The following TMX4 variants were observed in gnomAD, a reference collection of about 807,000 sequenced individuals.
TMX4 encodes the protein thioredoxin-related transmembrane protein 4.
Under a neutral mutation model 33.3 loss-of-function variants are expected in TMX4, and 23 were observed. The ratio of observed to expected loss-of-function variants is 0.69; its 90% confidence interval spans 0.50 to 0.98. TMX4 has a LOEUF of 0.98. Ranked by LOEUF, TMX4 falls within the 50% of genes least tolerant of loss-of-function variation. The pLI is 0.00. For missense variants in TMX4, 399 were observed against 448.9 expected (o/e 0.89, Z 1.01); for synonymous variants, 164 against 161.5 (o/e 1.02, Z -0.12).
At chr20:7,995,896 G>A in intron 5 of TMX4, 130 bp downstream of exon 5, 1 of 759,134 alleles carries the variant, frequency 1.3e-6, no homozygotes, top group African/African-American at 1.8e-5. Flanking sequence ...CATGAGAGTA[G>A]TTGCATGGCT....
At chr20:7,985,277 A>ATTTT (rs1214396295) in intron 6 of TMX4, among the ~76,000 whole-genome samples, 24 of 110,532 alleles carry the variant, frequency 2.2e-4, no homozygotes, top group Admixed American at 4.8e-4. Context: ...ATATATATAT[A>ATTTT]TTTTTTTTTT....
intron 6 of TMX4, among the ~76,000 whole-genome samples, chr20:7,985,877 C>A: frequency 6.6e-6 from 1 of 152,094 alleles, no homozygotes; most frequent in Non-Finnish European, 1.5e-5. Flanking sequence ...GGCAGGCAGG[C>A]CTGACTCAAT....
intron 5 of TMX4, among the ~76,000 whole-genome samples, chr20:7,991,834 G>GAAA (rs11087787): frequency 6.2e-5 from 9 of 146,082 alleles, no homozygotes; most frequent in East Asian, 2.0e-4. Flanking sequence ...TCTATGGCTG[G>GAAA]AAAAAAAAAA....
chr20:8,016,762 A>C (rs2050777209), intron 1 of TMX4, among the ~76,000 whole-genome samples: 1 of 152,126 alleles, frequency 6.6e-6, no homozygotes, highest in Non-Finnish European at 1.5e-5. Flanking sequence ...CAAATAAAGA[A>C]CTCTCATTCA....
At chr20:8,018,073 G>A (rs1600150225) in intron 1 of TMX4, among the ~76,000 whole-genome samples, 1 of 151,604 alleles carries the variant, frequency 6.6e-6, no homozygotes, top group African/African-American at 2.4e-5. Flanking sequence ...CTCACACTGA[G>A]GTTTTCACTC....
At chr20:7,998,615 C>T (rs759494069) in intron 4 of TMX4, among the ~76,000 whole-genome samples, 1 of 152,144 alleles carries the variant, frequency 6.6e-6, no homozygotes, top group Non-Finnish European at 1.5e-5. Context: ...CCCTCTTACT[C>T]AGCTCATCCT....
chr20:7,998,521 G>GGGT (rs1258127593), intron 4 of TMX4, among the ~76,000 whole-genome samples: 1 of 152,006 alleles, frequency 6.6e-6, no homozygotes, highest in Non-Finnish European at 1.5e-5. Context: ...CCTCTCCTAA[G>GGGT]GGTCACCTTC....
At chr20:8,008,419 T>C (rs2050739360) in intron 2 of TMX4, among the ~76,000 whole-genome samples, 1 of 152,150 alleles carries the variant, frequency 6.6e-6, no homozygotes, top group Non-Finnish European at 1.5e-5. Flanking sequence ...CAACATTGAA[T>C]GTATTAAAAA....
Position 7,980,405 on chromosome 20 carries a change from T to C in TMX4, c.*1846A>G, listed in dbSNP as rs1469927602. The stretch of plus-strand genomic sequence containing the variant: ...TGACACGAGGGCAGGCAGGCCCCGC[T>C]CTGCTCTGATCGAGAAAAGCTTCCT... On this transcript the variant is annotated 3_prime_UTR_variant, in exon 8 of 8. Transcript: ENST00000246024. 6.6e-6 allele frequency: 1 copy of C among 152,194 alleles called. No homozygotes were observed. Among genetic ancestry groups the C allele is most frequent in the Non-Finnish European group, 1.5e-5 (1 of 68,084 alleles). The allele number at this position is 152,194 out of a possible 1,614,324, so 9.4% of individuals were successfully genotyped here.
intron 1 of TMX4, among the ~76,000 whole-genome samples, chr20:8,017,321 T>C (rs1287551240): frequency 1.3e-5 from 2 of 152,206 alleles, no homozygotes; most frequent in Non-Finnish European, 2.9e-5. Context: ...TCTACTAAAA[T>C]GACCTTGTGT....
chr20:7,995,789 AC>A (rs1395700007), intron 5 of TMX4, among the ~76,000 whole-genome samples: 3 of 151,804 alleles, frequency 2.0e-5, no homozygotes, highest in Non-Finnish European at 2.9e-5. Flanking sequence ...GAAAGACTTC[AC>A]CACTGATTTA....
intron 4 of TMX4, among the ~76,000 whole-genome samples, chr20:7,997,755 A>C (rs1195436618): frequency 2.0e-5 from 3 of 152,246 alleles, no homozygotes; most frequent in Non-Finnish European, 4.4e-5. Flanking sequence ...CTGCGCAAAA[A>C]TAAAATTGCT....
At chr20:7,991,944 G>C (rs2122858905) in intron 5 of TMX4, among the ~76,000 whole-genome samples, 1 of 151,094 alleles carries the variant, frequency 6.6e-6, no homozygotes, top group Middle Eastern at 3.4e-3. Context: ...ACTGTGAAAA[G>C]AGGGAAGACA....
Position 7,978,220 on chromosome 20 carries a change from C to T in TMX4, c.*4031G>A, listed in dbSNP as rs975876533. On this transcript the variant is annotated 3_prime_UTR_variant, in exon 8 of 8. Coordinates refer to ENST00000246024, the MANE Select transcript of TMX4 (RefSeq NM_021156.4). ...GAGGGACACAGATAACCTATTGATA[C>T]GAGCAACAGAACCAGCCTCCCTCTT... 19 of 152,304 alleles carry T rather than the reference C, an allele frequency of 1.2e-4. No homozygotes were observed. Among genetic ancestry groups the T allele is most frequent in the African/African-American group, 1.7e-4 (7 of 41,558 alleles). The allele number at this position is 152,304 out of a possible 1,614,324, so 9.4% of individuals were successfully genotyped here.
At chr20:8,011,402 T>G (rs6140497) in intron 1 of TMX4, among the ~76,000 whole-genome samples, 11,960 of 151,754 alleles carry the variant, frequency 0.079, 1,061 homozygotes, top group East Asian at 0.53. Flanking sequence ...AGGCTCAAAG[T>G]TGCCTGTCAG....
chr20:7,983,387 C>A (rs1339489236), intron 7 of TMX4, among the ~76,000 whole-genome samples: 1 of 152,048 alleles, frequency 6.6e-6, no homozygotes, highest in African/African-American at 2.4e-5. Context: ...ACATGCAAAT[C>A]CAGAGGCACC....
At position 7,978,480 on chromosome 20, in the gene TMX4, T is replaced by C. The variant is rs962919321; in HGVS notation, c.*3771A>G. The C allele has an allele frequency of 1.3e-5, 2 of 152,214 alleles. No homozygotes were observed. Among genetic ancestry groups the C allele is most frequent in the Non-Finnish European group, 2.9e-5 (2 of 68,040 alleles). 9.4% of individuals were successfully genotyped at this position (152,214 alleles called of 1,614,324 possible). A position where few individuals can be genotyped will look rare whatever the true frequency, so the allele number is the denominator to read the frequency against. The stretch of plus-strand genomic sequence containing the variant: ...GTGTTTTTACAGGATGCAGGTTCTG[T>C]AGACTGACATATTCCCAAATCATAT... On this transcript the variant is annotated 3_prime_UTR_variant, in exon 8 of 8. Transcript: ENST00000246024.
chr20:8,002,993 T>C (rs2050713723), intron 2 of TMX4, among the ~76,000 whole-genome samples: 1 of 152,118 alleles, frequency 6.6e-6, no homozygotes, highest in African/African-American at 2.4e-5. Context: ...GACCCAAAAA[T>C]AGGTCAACTG....
chr20:7,996,480 T>A (rs187881621), intron 4 of TMX4, among the ~76,000 whole-genome samples: 1 of 152,192 alleles, frequency 6.6e-6, no homozygotes, highest in South Asian at 2.1e-4. Flanking sequence ...AACGTACACA[T>A]CTTCCCATCC....
Sources: allele counts gnomAD v4.1 joint callset (sites outside exome capture counted in the v4.1 genomes callset), GRCh38; gene constraint gnomAD v4.1.1; transcripts MANE v1.5; gene names NCBI Gene and HGNC (gene_info 2026-07-23, HGNC 2026-07-21).